ZNF385D: variants seen among roughly 807,000 people sequenced by gnomAD.
ZNF385D encodes the protein zinc finger protein 385D, also known as zinc finger protein 659.
Under a neutral mutation model 35.8 loss-of-function variants are expected in ZNF385D, and 15 were observed. The ratio of observed to expected loss-of-function variants is 0.42; its 90% confidence interval spans 0.28 to 0.64. ZNF385D has a LOEUF of 0.64. ZNF385D is among the 30% of genes least tolerant of loss of function. The pLI is 0.23. For synonymous variants in ZNF385D, 212 were observed against 186.8 expected (o/e 1.13, Z -1.10); for missense variants, 474 against 494.6 (o/e 0.96, Z 0.39).
chr3:22,068,662 T>G (rs143217305), intron 3 of ZNF385D, among the ~76,000 whole-genome samples: 428 of 152,364 alleles, frequency 2.8e-3, no homozygotes, highest in Non-Finnish European at 4.8e-3. Flanking sequence ...TTTCCACATT[T>G]CCTCTCACAT....
chr3:21,846,867 T>G (rs1486367), intron 3 of ZNF385D, among the ~76,000 whole-genome samples: 1 of 151,998 alleles, frequency 6.6e-6, no homozygotes, highest in African/African-American at 2.4e-5. Flanking sequence ...GACCAAAATA[T>G]AGTATCTGTC....
intron 3 of ZNF385D, among the ~76,000 whole-genome samples, chr3:21,829,277 A>G (rs1322039079): frequency 6.6e-6 from 1 of 152,134 alleles, no homozygotes; most frequent in Non-Finnish European, 1.5e-5. Flanking sequence ...TGGCTATTTC[A>G]TTAGAGGTGG....
In ZNF385D at chr3:21,530,689, G is replaced by A. The variant is rs2061901133; in HGVS notation, c.277-19666C>T. 2.6e-5 allele frequency among the ~76,000 whole-genome samples: 4 copies of A among 152,038 alleles called. No individual in the cohort carries two copies. In the South Asian group the frequency reaches 8.3e-4, roughly 32 times the overall value. On this transcript the variant is annotated intron_variant, in intron 3 of 7. Coordinates refer to ENST00000281523, the MANE Select transcript of ZNF385D (RefSeq NM_024697.3). ...TTTTTCGTTGATGTGTCATTCTAAG[G>A]AAACTGAGGTTCGAAGTCCTCACTC...
intron 3 of ZNF385D, among the ~76,000 whole-genome samples, chr3:22,048,879 T>C (rs1273022663): frequency 6.6e-6 from 1 of 152,218 alleles, no homozygotes; most frequent in African/African-American, 2.4e-5. Flanking sequence ...TTCATGAACA[T>C]GGAATATCTT....
chr3:22,196,286 T>C (rs1471560757), intron 2 of ZNF385D, among the ~76,000 whole-genome samples: 2 of 152,096 alleles, frequency 1.3e-5, no homozygotes, highest in Non-Finnish European at 2.9e-5. Flanking sequence ...ATACCGACTT[T>C]GTTTTGTTCA....
intron 3 of ZNF385D, among the ~76,000 whole-genome samples, chr3:21,548,479 C>T (rs1200014180): frequency 1.3e-5 from 2 of 152,128 alleles, no homozygotes; most frequent in Non-Finnish European, 2.9e-5. Context: ...ATTTTATCTT[C>T]CTCCTCATAT....
chr3:21,817,890 G>A (rs1330488696), intron 3 of ZNF385D, among the ~76,000 whole-genome samples: 1 of 152,154 alleles, frequency 6.6e-6, no homozygotes, highest in Non-Finnish European at 1.5e-5. Context: ...TATGTTTATT[G>A]TGGCACTACT....
chr3:21,905,205 C>CAAAAAAAAAAAA (rs63147760), intron 3 of ZNF385D, among the ~76,000 whole-genome samples: 1 of 69,730 alleles, frequency 1.4e-5, no homozygotes, highest in African/African-American at 5.7e-5. Flanking sequence ...ACAAAAAATC[C>CAAAAAAAAAAAA]AAAAAAAAAA....
intron 7 of ZNF385D, among the ~76,000 whole-genome samples, chr3:21,422,464 A>G (rs942519005): frequency 6.6e-6 from 1 of 152,196 alleles, no homozygotes; most frequent in African/African-American, 2.4e-5. Context: ...CCCAAAATTG[A>G]GGAGGAACTT....
chr3:22,232,300 A>T (rs1397912717), intron 2 of ZNF385D, among the ~76,000 whole-genome samples: 1 of 147,532 alleles, frequency 6.8e-6, no homozygotes, highest in Non-Finnish European at 1.5e-5. Context: ...GTGCCATATT[A>T]ATGAAATTGT....
At chr3:22,182,566 C>G (rs528832747) in intron 2 of ZNF385D, among the ~76,000 whole-genome samples, 1 of 151,930 alleles carries the variant, frequency 6.6e-6, no homozygotes, top group South Asian at 2.1e-4. Context: ...ATTTGCTATA[C>G]TAGATACATT....
intron 3 of ZNF385D, among the ~76,000 whole-genome samples, chr3:22,128,833 A>G (rs542706740): frequency 1.3e-5 from 2 of 152,306 alleles, no homozygotes; most frequent in African/African-American, 2.4e-5. Context: ...AGCTTCCTCA[A>G]AACAGCTATT....
intron 2 of ZNF385D, among the ~76,000 whole-genome samples, chr3:21,588,382 C>T (rs938994935): frequency 1.3e-5 from 2 of 151,962 alleles, no homozygotes; most frequent in African/African-American, 4.8e-5. Flanking sequence ...AAAAATTTAC[C>T]TTTATTTACA....
intron 4 of ZNF385D, among the ~76,000 whole-genome samples, chr3:21,468,462 G>T (rs1575202621): frequency 7.6e-6 from 1 of 131,126 alleles, no homozygotes; most frequent in African/African-American, 2.8e-5. Flanking sequence ...ATACATAAAA[G>T]CACCTCTGGA....
At chr3:22,065,676 C>G (rs1699908839) in intron 3 of ZNF385D, among the ~76,000 whole-genome samples, 1 of 152,030 alleles carries the variant, frequency 6.6e-6, no homozygotes, top group African/African-American at 2.4e-5. Context: ...GGACCATAAT[C>G]TAAAAGTGTA....
chr3:21,510,828 C>T lies in ZNF385D; in HGVS notation c.439+33G>A, dbSNP rs149159261. The T allele has an allele frequency of 5.3e-4, 848 of 1,609,500 alleles. 3 individuals carry two copies. In the African/African-American group the frequency reaches 9.5e-3, roughly 18 times the overall value. ...GGGAGGGAATCCCCAACGACGACGA[C>T]GAGGACAACAACAACAAAGATCATT... On this transcript the variant is annotated intron_variant, in intron 4 of 7. Transcript: ENST00000281523.
Position 21,681,400 on chromosome 3 carries a change from G to GGTAAAGGCTGTACAATT in ZNF385D, c.23-16389_23-16373dup, listed in dbSNP as rs570749488. Among the ~76,000 whole-genome samples the GGTAAAGGCTGTACAATT allele has an allele frequency of 3.3e-3, 497 of 149,266 alleles. 2 individuals carry two copies. The highest frequency in any genetic ancestry group is 5.0e-3 in the Non-Finnish European group (336 of 67,658). On this transcript the variant is annotated intron_variant, in intron 1 of 7. Coordinates refer to ENST00000281523, the MANE Select transcript of ZNF385D (RefSeq NM_024697.3). ...ATGTTATTCATTATGTTTCTGGAAA[G>GGTAAAGGCTGTACAATT]GTAAAGGCTGTACAATTGGTAAATT...
chr3:22,215,194 A>G (rs548083695), intron 2 of ZNF385D, among the ~76,000 whole-genome samples: 4 of 151,978 alleles, frequency 2.6e-5, no homozygotes, highest in Non-Finnish European at 5.9e-5. Flanking sequence ...AACTGCACAA[A>G]TTGTTCGTAC....
chr3:21,919,930 C>T (rs1460045705), intron 3 of ZNF385D, among the ~76,000 whole-genome samples: 2 of 152,170 alleles, frequency 1.3e-5, no homozygotes, highest in Admixed American at 6.5e-5. Context: ...GTGTGCCTTA[C>T]TCTAAGCTCC....
Sources: gnomAD v4.1 joint callset for allele counts (sites outside exome capture counted in the v4.1 genomes callset) on GRCh38, gnomAD v4.1.1 for gene constraint, MANE v1.5 for transcripts, NCBI Gene and HGNC (gene_info 2026-07-23, HGNC 2026-07-21) for gene names.